The following LYPD6B variants were observed in gnomAD, a reference collection of about 807,000 sequenced individuals.
LYPD6B encodes LY6/PLAUR domain containing 6B.
Under a neutral mutation model 22.8 loss-of-function variants are expected in LYPD6B, and 17 were observed. That is an observed-to-expected ratio of 0.75 (90% CI 0.51 to 1.12). LYPD6B has a LOEUF of 1.12. Ranked by LOEUF, LYPD6B falls within the 50% of genes most tolerant of loss-of-function variation. The pLI is 0.00. For synonymous variants in LYPD6B, 106 were observed against 91.6 expected (o/e 1.16, Z -0.90); for missense variants, 221 against 258.3 (o/e 0.86, Z 0.99).
At chr2:149,182,194 A>G (rs1691780584) in intron 3 of LYPD6B, among the ~76,000 whole-genome samples, 1 of 152,194 alleles carries the variant, frequency 6.6e-6, no homozygotes, top group Non-Finnish European at 1.5e-5. Context: ...TATGAGGTAT[A>G]ATCATAATCA....
chr2:149,189,757 G>C (rs1692376981), intron 3 of LYPD6B, among the ~76,000 whole-genome samples: 2 of 152,124 alleles, frequency 1.3e-5, no homozygotes, highest in Non-Finnish European at 2.9e-5. Flanking sequence ...TGTGCTCTTA[G>C]CAGGATCTCA....
At chr2:149,057,157 T>G (rs1473860717) in intron 1 of LYPD6B, among the ~76,000 whole-genome samples, 1 of 152,112 alleles carries the variant, frequency 6.6e-6, no homozygotes, top group Non-Finnish European at 1.5e-5. Context: ...GTATTTTCAT[T>G]TTTACTTTTC....
At position 149,077,259 on chromosome 2, in the gene LYPD6B, C is replaced by T. The variant is rs901956165; in HGVS notation, c.-67+38458C>T. ...GGACATGCCCAGAGCACAGGCAGCC[C>T]CCAGTCAGGTCTTTGTAGAAAGCTC... is the stretch of plus-strand genomic sequence containing the variant. On this transcript the variant is annotated intron_variant, in intron 1 of 6. Coordinates refer to ENST00000409642, the MANE Select transcript of LYPD6B (RefSeq NM_177964.5). Among the ~76,000 whole-genome samples, 62 of 152,256 alleles carry T rather than the reference C, an allele frequency of 4.1e-4. 1 individual carries two copies. Among genetic ancestry groups the T allele is most frequent in the African/African-American group, 1.4e-3 (59 of 41,546 alleles).
chr2:149,052,184 G>A (rs1683591188), intron 1 of LYPD6B, among the ~76,000 whole-genome samples: 1 of 151,892 alleles, frequency 6.6e-6, no homozygotes, highest in Non-Finnish European at 1.5e-5. Flanking sequence ...AGCCTCCCGA[G>A]TAGCTGGAAT....
Position 149,198,949 on chromosome 2 carries a change from T to G in LYPD6B, c.78-6304T>G, listed in dbSNP as rs182695739. ...GGCAGTCATTCATTCCAACTTTCCC[T>G]TGGTTGCAATAGAGAGAATTTCTAA... On this transcript the variant is annotated intron_variant, in intron 3 of 6. Coordinates refer to ENST00000409642, the MANE Select transcript of LYPD6B (RefSeq NM_177964.5). 3.5e-4 allele frequency among the ~76,000 whole-genome samples: 53 copies of G among 152,312 alleles called. 1 individual carries two copies. Among genetic ancestry groups the G allele is most frequent in the African/African-American group, 1.2e-3 (48 of 41,574 alleles).
chr2:149,092,643 G>A (rs1685710103), intron 1 of LYPD6B, among the ~76,000 whole-genome samples: 1 of 152,188 alleles, frequency 6.6e-6, no homozygotes, highest in South Asian at 2.1e-4. Flanking sequence ...TAGAGTATAA[G>A]TGGATGTGGC....
chr2:149,192,089 A>G (rs1372887538), intron 3 of LYPD6B, among the ~76,000 whole-genome samples: 2 of 133,490 alleles, frequency 1.5e-5, no homozygotes, highest in Non-Finnish European at 3.4e-5. Flanking sequence ...AAGGAGGGCT[A>G]TGCTATCATC....
intron 1 of LYPD6B, among the ~76,000 whole-genome samples, chr2:149,057,318 C>T (rs1683849728): frequency 6.6e-6 from 1 of 151,960 alleles, no homozygotes; most frequent in African/African-American, 2.4e-5. Context: ...ATTGTCTCCA[C>T]AAACCTTTCA....
intron 1 of LYPD6B, among the ~76,000 whole-genome samples, chr2:149,086,704 A>T (rs1685410545): frequency 1.3e-5 from 2 of 152,300 alleles, no homozygotes; most frequent in South Asian, 4.1e-4. Context: ...AGTGCCCTAA[A>T]CAATAAAAAT....
At chr2:149,169,956 A>G (rs1690707406) in intron 3 of LYPD6B, among the ~76,000 whole-genome samples, 1 of 152,184 alleles carries the variant, frequency 6.6e-6, no homozygotes, top group South Asian at 2.1e-4. Flanking sequence ...ATCTCCAGGC[A>G]ATGGGAGTCT....
At chr2:149,158,515 A>G (rs10754978) in intron 2 of LYPD6B, among the ~76,000 whole-genome samples, 50,748 of 152,000 alleles carry the variant, frequency 0.33, 8,879 homozygotes, top group East Asian at 0.54. Context: ...CCAGGGGCTG[A>G]GGGTAGAGGA....
chr2:149,188,617 T>C (rs182113474), intron 3 of LYPD6B: 172 of 654,088 alleles, frequency 2.6e-4, no homozygotes, highest in East Asian at 5.5e-4. Flanking sequence ...CCCAGTAAAG[T>C]TGAGATTGTG....
chr2:149,159,073 A>G (rs541827885), intron 2 of LYPD6B, among the ~76,000 whole-genome samples: 1 of 152,224 alleles, frequency 6.6e-6, no homozygotes, highest in African/African-American at 2.4e-5. Flanking sequence ...TTTCCTTGCC[A>G]GATCACTTTA....
intron 1 of LYPD6B, among the ~76,000 whole-genome samples, chr2:149,039,951 G>A (rs1558961882): frequency 6.6e-6 from 1 of 152,188 alleles, no homozygotes. Flanking sequence ...AATTGATTGG[G>A]TCACATAAAT....
intron 3 of LYPD6B, among the ~76,000 whole-genome samples, chr2:149,186,389 C>T (rs1386331775): frequency 6.6e-6 from 1 of 152,204 alleles, no homozygotes; most frequent in Admixed American, 6.5e-5. Context: ...TAGCTCTCTT[C>T]AATTCTGTAA....
At chr2:149,152,271 T>G (rs1689428252) in intron 2 of LYPD6B, among the ~76,000 whole-genome samples, 1 of 152,218 alleles carries the variant, frequency 6.6e-6, no homozygotes, top group Non-Finnish European at 1.5e-5. Context: ...CTTTTATTGA[T>G]CAAATATTTA....
chr2:149,186,931 C>T (rs1456801245), intron 3 of LYPD6B, among the ~76,000 whole-genome samples: 1 of 152,192 alleles, frequency 6.6e-6, no homozygotes, highest in African/African-American at 2.4e-5. Context: ...TTTCCACAGC[C>T]ACCCCAACCT....
chr2:149,211,059 AATGAGGCATCTCAC>A (rs1693821743), intron 5 of LYPD6B, among the ~76,000 whole-genome samples: 1 of 152,108 alleles, frequency 6.6e-6, no homozygotes, highest in South Asian at 2.1e-4. Context: ...GCAAAGAGGG[AATGAGGCATCTCAC>A]ATGGTGGTTG....
chr2:149,043,641 G>A (rs1683184898), intron 1 of LYPD6B, among the ~76,000 whole-genome samples: 1 of 152,012 alleles, frequency 6.6e-6, no homozygotes, highest in Admixed American at 6.5e-5. Flanking sequence ...TTTTAATTTT[G>A]ATAAACCAGT....
Sources: allele counts gnomAD v4.1 joint callset (sites outside exome capture counted in the v4.1 genomes callset), GRCh38; gene constraint gnomAD v4.1.1; transcripts MANE v1.5; gene names NCBI Gene and HGNC (gene_info 2026-07-23, HGNC 2026-07-21).